The following FUNDC2 variants were observed in gnomAD, a reference collection of about 807,000 sequenced individuals.
The protein encoded by FUNDC2 is FUN14 domain containing 2, also known as FUN14 domain-containing protein 2.
Under a neutral mutation model 15.6 loss-of-function variants are expected in FUNDC2, and 4 were observed. That is an observed-to-expected ratio of 0.26 (90% confidence interval 0.13 to 0.59). The LOEUF is 0.59. Ranked by LOEUF, FUNDC2 falls within the 20% of genes least tolerant of loss-of-function variation. The pLI is 0.90. For synonymous variants in FUNDC2, 44 were observed against 56.9 expected, an observed-to-expected ratio of 0.77 and a Z score of 1.02; for missense variants, 98 against 149.7, an observed-to-expected ratio of 0.65 and a Z score of 1.80.
intron 2 of FUNDC2, among the ~76,000 whole-genome samples, chrX:155,037,037 T>C (rs192079062): frequency 2.1e-3 from 238 of 111,979 alleles, no homozygotes; most frequent in Non-Finnish European, 3.8e-3. Context: ...TGGGATTGCA[T>C]TGATCCATAA....
In FUNDC2 at chrX:155,055,628, ACACACACACACACGGGCACACACG is replaced by A. The variant is rs1251980331; in HGVS notation, c.*965_*988del. ...AGAATTATTCTTTAAAAGCTTACAC[ACACACACACACACGGGCACACACG>A]CACACACAGAATCTTACCACATTTT... On this transcript the variant is annotated 3_prime_UTR_variant, in exon 5 of 5. Coordinates refer to ENST00000369498, the MANE Select transcript of FUNDC2 (RefSeq NM_023934.4). The A allele has an allele frequency of 5.6e-6, 1 of 179,162 alleles. No homozygotes were observed. Among genetic ancestry groups the A allele is most frequent in the Non-Finnish European group, 1.0e-5 (1 of 97,268 alleles). The allele number at this position is 179,162 out of a possible 1,213,427, so 14.8% of individuals were successfully genotyped here. A position where few individuals can be genotyped will look rare whatever the true frequency, so the allele number is the denominator to read the frequency against.
At chrX:155,041,442 C>T (rs2073845988) in intron 2 of FUNDC2, among the ~76,000 whole-genome samples, 1 of 111,884 alleles carries the variant, frequency 8.9e-6, no homozygotes, top group Non-Finnish European at 1.9e-5. Flanking sequence ...TTGTGCTCTT[C>T]ATGCCTTTGT....
intron 3 of FUNDC2, chrX:155,049,280 C>G (rs73569615): frequency 0.24 from 26,347 of 112,107 alleles, 2,250 homozygotes; most frequent in South Asian, 0.39. Flanking sequence ...AGTGCAGTCC[C>G]CCAGTAATGC....
Position 155,045,869 on chromosome X carries a change from A to G in FUNDC2, c.285-640A>G, listed in dbSNP as rs782481789. Among the ~76,000 whole-genome samples the G allele has an allele frequency of 7.2e-5, 8 of 111,429 alleles. No individual in the cohort carries two copies. The South Asian group carries it at 1.9e-3, about 26-fold the overall frequency. The stretch of plus-strand genomic sequence containing the variant: ...ATTTTAGTATCGGGTGGGGGCAGGA[A>G]GATAGACAGTAATAAAGAAACACAT... On this transcript the variant is annotated intron_variant, in intron 2 of 4. Transcript: ENST00000369498.
chrX:155,054,580 A>G lies in FUNDC2; in HGVS notation c.493-15A>G. 3.3e-6 allele frequency: 4 copies of G among 1,210,642 alleles called. No individual in the cohort carries two copies. Among genetic ancestry groups the G allele is most frequent in the Non-Finnish European group, 4.5e-6 (4 of 894,700 alleles). On this transcript the variant is annotated splice_polypyrimidine_tract_variant and intron_variant, in intron 4 of 4. Coordinates refer to ENST00000369498, the MANE Select transcript of FUNDC2 (RefSeq NM_023934.4). ...CCTTAGCAAAACAACCCATTGTACT[A>G]TCTTCTGTTTTCAGGTGGTGTCATT...
Position 155,042,175 on chromosome X carries a change from C to CTTTTTTTTTTTTTT in FUNDC2, c.285-4318_285-4305dup, listed in dbSNP as rs1175079092. On this transcript the variant is annotated intron_variant, in intron 2 of 4. Transcript: ENST00000369498. ...CCTTGCTATAGTTTTCTTTTTCTATCTTTTTTTTTTTTTTTTTTTTTTTTT... is the reference window on the plus strand; with the variant it reads ...CCTTGCTATAGTTTTCTTTTTCTATCTTTTTTTTTTTTTTTTTTTTTTTTTTTTTTTTTTTTTTT... Among the ~76,000 whole-genome samples, 17 of 39,202 alleles carry CTTTTTTTTTTTTTT rather than the reference C, an allele frequency of 4.3e-4. 6 individuals are homozygous for CTTTTTTTTTTTTTT. Among genetic ancestry groups the CTTTTTTTTTTTTTT allele is most frequent in the African/African-American group, 2.2e-3 (17 of 7,645 alleles). 34.0% of individuals were successfully genotyped at this position (39,202 alleles called of 115,157 possible).
chrX:155,045,329 T>A (rs1373131918), intron 2 of FUNDC2, among the ~76,000 whole-genome samples: 1 of 111,543 alleles, frequency 9.0e-6, no homozygotes, highest in Non-Finnish European at 1.9e-5. Flanking sequence ...CCTTAGGGAT[T>A]TCTGTGAATT....
Position 155,055,877 on chromosome X carries a change from C to G in FUNDC2, c.*1205C>G, listed in dbSNP as rs923414472. On this transcript the variant is annotated 3_prime_UTR_variant, in exon 5 of 5. Coordinates refer to ENST00000369498, the MANE Select transcript of FUNDC2 (RefSeq NM_023934.4). ...CAGAATTGTTAATCTTGGAGATGAT[C>G]TCTTGTGAAATATGAGTGTGTTTCT... 1 of 112,074 alleles carries G rather than the reference C, an allele frequency of 8.9e-6. No homozygotes were observed. The highest frequency in any genetic ancestry group is 9.5e-5 in the Admixed American group (1 of 10,572). 9.2% of individuals were successfully genotyped at this position (112,074 alleles called of 1,213,427 possible).
rs983887503 is a variant in FUNDC2, at chrX:155,059,870, G to C, written c.*5198G>C. On this transcript the variant is annotated 3_prime_UTR_variant, in exon 5 of 5. Transcript: ENST00000369498. ...TGATAGTGAGTTCTCATGAGATCTG[G>C]CACTTCACCCCTCACTCTCTCTTGC... 1.8e-5 allele frequency: 2 copies of C among 111,125 alleles called. No individual in the cohort carries two copies. Among genetic ancestry groups the C allele is most frequent in the African/African-American group, 6.6e-5 (2 of 30,464 alleles). The allele number at this position is 111,125 out of a possible 1,213,427, so 9.2% of individuals were successfully genotyped here.
At chrX:155,034,424 AG>A (rs2073825013) in intron 2 of FUNDC2, among the ~76,000 whole-genome samples, 1 of 112,419 alleles carries the variant, frequency 8.9e-6, no homozygotes, top group Non-Finnish European at 1.9e-5. Context: ...CAGTATATCC[AG>A]TTGATGACTG....
At chrX:155,039,214 T>C (rs1236596370) in intron 2 of FUNDC2, among the ~76,000 whole-genome samples, 2 of 112,683 alleles carry the variant, frequency 1.8e-5, no homozygotes, top group Non-Finnish European at 3.8e-5. Flanking sequence ...GTTGTATTTT[T>C]ACAATTGAGT....
At chrX:155,037,654 T>C (rs1186709796) in intron 2 of FUNDC2, among the ~76,000 whole-genome samples, 1 of 109,525 alleles carries the variant, frequency 9.1e-6, no homozygotes, top group Non-Finnish European at 1.9e-5. Context: ...GGGCTAATTT[T>C]TGTATTTTTA....
intron 1 of FUNDC2, among the ~76,000 whole-genome samples, chrX:155,032,280 CTTTTTTTTTTTTT>C (rs200923469): frequency 6.4e-5 from 4 of 62,748 alleles, no homozygotes; most frequent in African/African-American, 2.6e-4. Flanking sequence ...CTGGTGCCTT[CTTTTTTTTTTTTT>C]TTTTTTTTTT....
chrX:155,047,335 C>T (rs781801342), intron 3 of FUNDC2: 2 of 342,568 alleles, frequency 5.8e-6, no homozygotes, highest in South Asian at 5.2e-5. Context: ...ATGCCAGAGT[C>T]TCTGAATTCA....
intron 4 of FUNDC2, 80 bp from the exon 5 acceptor site, chrX:155,054,515 G>C: frequency 8.4e-7 from 1 of 1,190,749 alleles, no homozygotes; most frequent in Non-Finnish European, 1.1e-6. Flanking sequence ...GTTAAGACTG[G>C]CATAGGTATA....
At chrX:155,045,070 A>G (rs1394372470) in intron 2 of FUNDC2, among the ~76,000 whole-genome samples, 1 of 112,416 alleles carries the variant, frequency 8.9e-6, no homozygotes, top group Non-Finnish European at 1.9e-5. Flanking sequence ...TTTGGAGGAC[A>G]TTATGCTAAG....
intron 1 of FUNDC2, chrX:155,027,306 A>G (rs1038192415): frequency 7.8e-6 from 2 of 257,088 alleles, no homozygotes; most frequent in African/African-American, 2.9e-5. Flanking sequence ...AGTGGAGCTC[A>G]CCCAGCCTTC....
At chrX:155,027,184 C>T in intron 1 of FUNDC2, 113 bp downstream of exon 1, 1 of 850,156 alleles carries the variant, frequency 1.2e-6, no homozygotes, top group South Asian at 3.8e-5. Flanking sequence ...GGAGTCCAAG[C>T]GGCGCGGGGA....
At chrX:155,044,305 A>C (rs186020515) in intron 2 of FUNDC2, among the ~76,000 whole-genome samples, 72 of 111,903 alleles carry the variant, frequency 6.4e-4, no homozygotes, top group African/African-American at 2.3e-3. Flanking sequence ...ATCAGAGATC[A>C]TGGTATAGAC....
Sources: allele counts gnomAD v4.1 joint callset (sites outside exome capture counted in the v4.1 genomes callset), GRCh38; gene constraint gnomAD v4.1.1; transcripts MANE v1.5; gene names NCBI Gene and HGNC (gene_info 2026-07-23, HGNC 2026-07-21).